FCF1: variants seen among roughly 807,000 people sequenced by gnomAD.
The protein encoded by FCF1 is FCF1 rRNA-processing protein, also known as rRNA-processing protein FCF1 homolog.
A neutral mutation model predicts 32.5 loss-of-function variants in FCF1; 17 were observed. The observed-to-expected ratio is 0.52, with a 90% confidence interval of 0.36 to 0.78. The LOEUF (loss-of-function observed/expected upper bound fraction) is 0.78. FCF1 is among the 30% of genes least tolerant of loss of function. The pLI is 0.00. For missense variants in FCF1, 201 were observed against 241.1 expected (o/e 0.83, Z 1.10); for synonymous variants, 84 against 78.4 (o/e 1.07, Z -0.38).
intron 6 of FCF1, among the ~76,000 whole-genome samples, chr14:74,733,163 A>T (rs2090659914): frequency 6.6e-6 from 1 of 152,194 alleles, no homozygotes; most frequent in Non-Finnish European, 1.5e-5. Flanking sequence ...GTTAATGTAG[A>T]ACCCATTTAT....
At chr14:74,714,077 TATG>T (rs1376718470) in intron 2 of FCF1, among the ~76,000 whole-genome samples, 5 of 152,204 alleles carry the variant, frequency 3.3e-5, no homozygotes, top group African/African-American at 1.2e-4. Context: ...AATTCCCTAG[TATG>T]AAGAGGATCA....
At chr14:74,715,226 C>G in intron 3 of FCF1, among the ~76,000 whole-genome samples, 1 of 151,640 alleles carries the variant, frequency 6.6e-6, no homozygotes. Context: ...GTTTAACACA[C>G]CAGCAGTTCA....
chr14:74,735,105 C>A lies in FCF1; in HGVS notation c.*175C>A. 3.6e-6 allele frequency: 2 copies of A among 555,102 alleles called. No homozygotes were observed. The highest frequency in any genetic ancestry group is 2.1e-5 in the South Asian group (1 of 47,234). 34.4% of individuals were successfully genotyped at this position (555,102 alleles called of 1,614,324 possible). ...AGATTAACATCCAAAGGACTGAACC[C>A]TGAACAGAGTTAAGTTACCTTTTAA... On this transcript the variant is annotated 3_prime_UTR_variant, in exon 8 of 8. Coordinates refer to ENST00000341162, the MANE Select transcript of FCF1 (RefSeq NM_015962.5).
chr14:74,717,387 G>A lies in FCF1; in HGVS notation c.292+1288G>A, dbSNP rs555231458. Among the ~76,000 whole-genome samples the A allele has an allele frequency of 5.9e-5, 9 of 152,058 alleles. No homozygotes were observed. In the South Asian group the frequency reaches 8.3e-4, roughly 14 times the overall value. On this transcript the variant is annotated intron_variant, in intron 4 of 7. Transcript: ENST00000341162. ...GAATGGCTGCATACATTTATTAGCT[G>A]CATACGTTTATTAAGATGTGAAGGT...
At position 74,734,171 on chromosome 14, in the gene FCF1, G is replaced by A. The variant is rs893461772; in HGVS notation, c.548+1G>A. Reference sequence around the variant, plus strand: ...CTATCATGTACATTTCTAACCATAGGTGAGAAATTTCCCTTGGAGAAGGGA... The same window carrying A: ...CTATCATGTACATTTCTAACCATAGATGAGAAATTTCCCTTGGAGAAGGGA... On this transcript the variant is annotated splice_donor_variant, in intron 7 of 7. Transcript: ENST00000341162. LOFTEE classifies it high-confidence loss of function. 1 of 1,590,428 alleles carries A rather than the reference G, an allele frequency of 6.3e-7. No individual in the cohort carries two copies. Among genetic ancestry groups the A allele is most frequent in the Non-Finnish European group, 8.6e-7 (1 of 1,158,928 alleles).
chr14:74,719,073 T>A (rs2090461324), intron 4 of FCF1, among the ~76,000 whole-genome samples: 2 of 138,890 alleles, frequency 1.4e-5, no homozygotes, highest in African/African-American at 5.5e-5. Context: ...GAGGCTACAG[T>A]GAGCCGAGAT....
intron 5 of FCF1, among the ~76,000 whole-genome samples, chr14:74,725,587 G>C (rs529208337): frequency 2.9e-4 from 44 of 150,708 alleles, no homozygotes; most frequent in Non-Finnish European, 5.8e-4. Flanking sequence ...CCAGGAGTTT[G>C]AGACCAGCCT....
chr14:74,715,850 A>C, intron 3 of FCF1, 101 bp from the exon 4 acceptor site: 1 of 1,610,050 alleles, frequency 6.2e-7, no homozygotes, highest in Non-Finnish European at 8.5e-7. Flanking sequence ...TGGACAAAAG[A>C]GTTTACAGCA....
At position 74,714,963 on chromosome 14, in the gene FCF1, A is replaced by T; in HGVS notation, c.143+20A>T. The T allele has an allele frequency of 6.4e-7, 1 of 1,574,294 alleles. No homozygotes were observed. Among genetic ancestry groups the T allele is most frequent in the Non-Finnish European group, 8.6e-7 (1 of 1,166,666 alleles). On this transcript the variant is annotated intron_variant, in intron 3 of 7. Transcript: ENST00000341162. ...AGAAGTGTGAGTAATCAAACGTTTG[A>T]AGTTTTCCTTTAAAACCATAGACCT... is the stretch of plus-strand genomic sequence containing the variant.
chr14:74,733,377 G>C (rs2090662407), intron 6 of FCF1, among the ~76,000 whole-genome samples: 1 of 133,340 alleles, frequency 7.5e-6, no homozygotes, highest in South Asian at 2.7e-4. Flanking sequence ...CATCTGCTCT[G>C]CTGACCACAG....
At chr14:74,725,776 T>G (rs2090570151) in intron 5 of FCF1, among the ~76,000 whole-genome samples, 1 of 151,352 alleles carries the variant, frequency 6.6e-6, no homozygotes, top group African/African-American at 2.4e-5. Flanking sequence ...CTACTAAAAA[T>G]ACAAAAAAAT....
Position 74,734,948 on chromosome 14 carries a change from TC to T in FCF1, c.*20del. ...GATTCTAATTCTTACAAGACACAGT[TC>T]CTCTGCCTTTCTTCGACCAACTTTC... On this transcript the variant is annotated 3_prime_UTR_variant, in exon 8 of 8. Transcript: ENST00000341162. The T allele has an allele frequency of 6.2e-7, 1 of 1,608,448 alleles. No individual in the cohort carries two copies. The highest frequency in any genetic ancestry group is 8.5e-7 in the Non-Finnish European group (1 of 1,175,020).
At position 74,738,104 on chromosome 14, in the gene FCF1, G is replaced by GT. The variant is rs748990018; in HGVS notation, c.*3177dup. 6.7e-6 allele frequency: 1 copy of GT among 148,198 alleles called. No homozygotes were observed. The highest frequency in any genetic ancestry group is 1.5e-5 in the Non-Finnish European group (1 of 67,406). 9.2% of individuals were successfully genotyped at this position (148,198 alleles called of 1,614,324 possible). ...CTAAATTTTTTTTTTTTTTGAGACAGTTTCTCACTCTGTCACCCAGGCTGC... is the reference window on the plus strand; with the variant it reads ...CTAAATTTTTTTTTTTTTTGAGACAGTTTTCTCACTCTGTCACCCAGGCTGC... On this transcript the variant is annotated 3_prime_UTR_variant, in exon 8 of 8. Transcript: ENST00000341162.
Position 74,735,124 on chromosome 14 carries a change from C to A in FCF1, c.*194C>A. ...TGAACCCTGAACAGAGTTAAGTTAC[C>A]TTTTAAGCATTTTGTGGGGCCGCGG... On this transcript the variant is annotated 3_prime_UTR_variant, in exon 8 of 8. Coordinates refer to ENST00000341162, the MANE Select transcript of FCF1 (RefSeq NM_015962.5). 3.2e-4 allele frequency: 100 copies of A among 314,382 alleles called. No homozygotes were observed. Among genetic ancestry groups the A allele is most frequent in the Middle Eastern group, 2.1e-3 (2 of 954 alleles). 19.5% of individuals were successfully genotyped at this position (314,382 alleles called of 1,614,324 possible). A position where few individuals can be genotyped will look rare whatever the true frequency, so the allele number is the denominator to read the frequency against.
intron 5 of FCF1, 55 bp downstream of exon 5, chr14:74,723,399 G>A (rs936394657): frequency 8.0e-7 from 1 of 1,255,114 alleles, no homozygotes; most frequent in Non-Finnish European, 1.1e-6. Context: ...AGATTCATCT[G>A]TTTGTTGTTT....
At chr14:74,715,422 T>C (rs911444896) in intron 3 of FCF1, among the ~76,000 whole-genome samples, 46 of 152,312 alleles carry the variant, frequency 3.0e-4, no homozygotes, top group African/African-American at 1.1e-3. Flanking sequence ...GGATTGGTAA[T>C]GGACATATTA....
chr14:74,725,495 A>G (rs2090564848), intron 5 of FCF1, among the ~76,000 whole-genome samples: 1 of 150,334 alleles, frequency 6.7e-6, no homozygotes, highest in Admixed American at 6.6e-5. Flanking sequence ...AAAAAAAAAA[A>G]AAAAAAAAAA....
At chr14:74,731,293 A>G (rs982337711) in intron 5 of FCF1, among the ~76,000 whole-genome samples, 1 of 152,214 alleles carries the variant, frequency 6.6e-6, no homozygotes, top group African/African-American at 2.4e-5. Flanking sequence ...CAGAGAATAT[A>G]TGACAGCATG....
rs1218525172 is a variant in FCF1 at position 74,737,807 on chromosome 14, AC to A, written c.*2881del. On this transcript the variant is annotated 3_prime_UTR_variant, in exon 8 of 8. Coordinates refer to ENST00000341162, the MANE Select transcript of FCF1 (RefSeq NM_015962.5). ...AGACCAGCCTGACCAACATGGAGAA[AC>A]CCCATCTCTACTAAAAATACAAAAA... 2.0e-5 allele frequency: 3 copies of A among 151,968 alleles called. No individual in the cohort carries two copies. The highest frequency in any genetic ancestry group is 1.3e-4 in the Admixed American group (2 of 15,228). 9.4% of individuals were successfully genotyped at this position (151,968 alleles called of 1,614,324 possible). A position where few individuals can be genotyped will look rare whatever the true frequency, so the allele number is the denominator to read the frequency against.
Sources: gnomAD v4.1 joint callset for allele counts (sites outside exome capture counted in the v4.1 genomes callset) on GRCh38, gnomAD v4.1.1 for gene constraint, MANE v1.5 for transcripts, NCBI Gene and HGNC (gene_info 2026-07-23, HGNC 2026-07-21) for gene names.